The following SMARCC1 variants were observed in gnomAD, a reference collection of about 807,000 sequenced individuals.
SMARCC1 encodes SWI/SNF related BAF chromatin remodeling complex subunit C1.
A neutral mutation model predicts 147.4 loss-of-function variants in SMARCC1; 43 were observed. The ratio of observed to expected loss-of-function variants is 0.29; its 90% CI spans 0.23 to 0.38. The LOEUF (loss-of-function observed/expected upper bound fraction) is 0.38, where lower values mean the gene tolerates loss of function less well. Among genes scored for constraint, SMARCC1 ranks in the 10% least tolerant of loss-of-function variants. The pLI, the probability that SMARCC1 is intolerant of heterozygous loss-of-function variation, is 1.00. For missense variants in SMARCC1, 1,119 were observed against 1,381.1 expected (o/e 0.81, Z 3.01); for synonymous variants, 495 against 484.4 (o/e 1.02, Z -0.29).
At chr3:47,755,105 C>T (rs2034679848) in intron 2 of SMARCC1, among the ~76,000 whole-genome samples, 1 of 151,802 alleles carries the variant, frequency 6.6e-6, no homozygotes, top group South Asian at 2.1e-4. Context: ...CAGCTACTCG[C>T]GAGGCCGAGG....
intron 11 of SMARCC1, among the ~76,000 whole-genome samples, chr3:47,697,411 T>C (rs1418992309): frequency 6.6e-6 from 1 of 151,454 alleles, no homozygotes; most frequent in Non-Finnish European, 1.5e-5. Flanking sequence ...AGCGATTCTC[T>C]TGCCTCAGCC....
chr3:47,590,592 C>T, intron 27 of SMARCC1, 69 bp downstream of exon 27: 1 of 1,342,530 alleles, frequency 7.4e-7, no homozygotes, highest in South Asian at 1.7e-5. Context: ...AGAACAAAGC[C>T]TCCTTCCCTT....
chr3:47,720,802 C>T (rs569259852), intron 6 of SMARCC1, 67 bp from the exon 7 acceptor site: 22 of 1,207,566 alleles, frequency 1.8e-5, no homozygotes, highest in Non-Finnish European at 2.4e-5. Flanking sequence ...GATTTTTAGC[C>T]TTAATTTTTA....
At chr3:47,659,116 T>TG (rs755742055) in intron 21 of SMARCC1, among the ~76,000 whole-genome samples, 1 of 44,900 alleles carries the variant, frequency 2.2e-5, no homozygotes, top group Admixed American at 2.6e-4. Context: ...AGACTCTGTC[T>TG]CAAAAAAAAA....
intron 2 of SMARCC1, among the ~76,000 whole-genome samples, chr3:47,761,746 C>T (rs535054145): frequency 2.0e-5 from 3 of 152,282 alleles, no homozygotes; most frequent in African/African-American, 4.8e-5. Flanking sequence ...TTCTCACATA[C>T]GGATCATAAA....
chr3:47,716,788 G>T (rs2034161400), intron 7 of SMARCC1, among the ~76,000 whole-genome samples: 1 of 152,138 alleles, frequency 6.6e-6, no homozygotes, highest in African/African-American at 2.4e-5. Flanking sequence ...CTTTAGACTG[G>T]GAGTGCTTTA....
chr3:47,748,978 T>C (rs1218978392), intron 2 of SMARCC1, among the ~76,000 whole-genome samples: 1 of 151,992 alleles, frequency 6.6e-6, no homozygotes, highest in African/African-American at 2.4e-5. Context: ...AAGACCAACC[T>C]GGTCAACATA....
At chr3:47,731,242 A>G (rs948412997) in intron 5 of SMARCC1, among the ~76,000 whole-genome samples, 4 of 152,200 alleles carry the variant, frequency 2.6e-5, no homozygotes, top group African/African-American at 9.6e-5. Context: ...GTTCATCCAT[A>G]AGAAACAACT....
At chr3:47,757,124 A>T (rs2034708190) in intron 2 of SMARCC1, among the ~76,000 whole-genome samples, 1 of 151,910 alleles carries the variant, frequency 6.6e-6, no homozygotes, top group Non-Finnish European at 1.5e-5. Context: ...GGTGGTGTGG[A>T]CTGGTAGTCC....
In SMARCC1 at chr3:47,715,334, C is replaced by G. The variant is rs150483822; in HGVS notation, c.717-844G>C. 2.6e-3 allele frequency among the ~76,000 whole-genome samples: 394 copies of G among 152,252 alleles called. 2 individuals are homozygous for G. Among genetic ancestry groups the G allele is most frequent in the African/African-American group, 9.1e-3 (380 of 41,546 alleles). On this transcript the variant is annotated intron_variant, in intron 7 of 27. Coordinates refer to ENST00000254480, the MANE Select transcript of SMARCC1 (RefSeq NM_003074.4). Reference sequence around the variant, plus strand: ...AGCTCAACTTGCAATGCTACCCTGGCCCCAGCGATGTACTCTAGCCAATCA... The same window carrying G: ...AGCTCAACTTGCAATGCTACCCTGGGCCCAGCGATGTACTCTAGCCAATCA...
At chr3:47,710,947 T>C (rs1576418826) in intron 8 of SMARCC1, 139 bp from the exon 9 acceptor site, 2 of 549,532 alleles carry the variant, frequency 3.6e-6, no homozygotes, top group Non-Finnish European at 6.2e-6. Flanking sequence ...CTACTAATGA[T>C]ATGTGAGTTG....
chr3:47,667,184 G>A (rs1475659432), intron 19 of SMARCC1, among the ~76,000 whole-genome samples: 1 of 152,042 alleles, frequency 6.6e-6, no homozygotes, highest in African/African-American at 2.4e-5. Flanking sequence ...CGGGCATGGT[G>A]GCAGGCACCT....
chr3:47,752,282 G>T (rs527516737), intron 2 of SMARCC1, among the ~76,000 whole-genome samples: 7 of 152,262 alleles, frequency 4.6e-5, no homozygotes, highest in African/African-American at 1.7e-4. Context: ...TCAAAGTCAG[G>T]TAATGGAAAG....
chr3:47,759,073 T>C (rs1304273395), intron 2 of SMARCC1, among the ~76,000 whole-genome samples: 1 of 150,534 alleles, frequency 6.6e-6, no homozygotes, highest in African/African-American at 2.4e-5. Flanking sequence ...AGTGCAGAGG[T>C]GCAATCTCAG....
At chr3:47,714,858 A>C (rs985387299) in intron 7 of SMARCC1, among the ~76,000 whole-genome samples, 1 of 152,170 alleles carries the variant, frequency 6.6e-6, no homozygotes, top group Non-Finnish European at 1.5e-5. Flanking sequence ...ATAGAAACTT[A>C]TCAGACACTT....
At chr3:47,690,388 T>C (rs2106774362) in intron 12 of SMARCC1, among the ~76,000 whole-genome samples, 1 of 152,254 alleles carries the variant, frequency 6.6e-6, no homozygotes, top group African/African-American at 2.4e-5. Context: ...GCAAGTAAAC[T>C]GGTGTCTCTG....
Position 47,728,397 on chromosome 3 carries a change from C to A in SMARCC1, c.646+628G>T, listed in dbSNP as rs117869777. ...GACACCAGGTCCAGCCCTCATTAGT[C>A]TAAGAACCACCTGACATTGCTGAAT... On this transcript the variant is annotated intron_variant, in intron 6 of 27. Coordinates refer to ENST00000254480, the MANE Select transcript of SMARCC1 (RefSeq NM_003074.4). Among the ~76,000 whole-genome samples the A allele has an allele frequency of 2.2e-3, 331 of 152,074 alleles. 10 individuals carry two copies. The East Asian group carries it at 0.048, about 22-fold the overall frequency.
intron 25 of SMARCC1, among the ~76,000 whole-genome samples, chr3:47,620,066 T>TA (rs1383789214): frequency 1.3e-5 from 2 of 152,208 alleles, no homozygotes; most frequent in Admixed American, 1.3e-4. Context: ...CTCATGTAGA[T>TA]AAAAAAGTCA....
At chr3:47,745,542 AT>A (rs1430228718) in intron 3 of SMARCC1, among the ~76,000 whole-genome samples, 1 of 151,840 alleles carries the variant, frequency 6.6e-6, no homozygotes, top group South Asian at 2.1e-4. Flanking sequence ...ACAAAACCCT[AT>A]TTCTACTAAA....
Sources: allele counts gnomAD v4.1 joint callset (sites outside exome capture counted in the v4.1 genomes callset), GRCh38; gene constraint gnomAD v4.1.1; transcripts MANE v1.5; gene names NCBI Gene and HGNC (gene_info 2026-07-23, HGNC 2026-07-21).